Variants in GALNT2 observed in about 807,000 individuals in gnomAD.
GALNT2 encodes the protein polypeptide N-acetylgalactosaminyltransferase 2.
In GALNT2, 31 loss-of-function variants were observed where a neutral mutation model predicts 81.4. The observed-to-expected ratio is 0.38, with a 90% CI of 0.29 to 0.51. The LOEUF is 0.51. Among genes scored for constraint, GALNT2 ranks in the 20% least tolerant of loss-of-function variants. GALNT2 has a pLI of 0.87. For synonymous variants in GALNT2, 303 were observed against 287.4 expected (o/e 1.05, Z -0.55); for missense variants, 629 against 765.7 (o/e 0.82, Z 2.11).
intron 1 of GALNT2, among the ~76,000 whole-genome samples, chr1:230,172,096 G>A (rs187309089): frequency 5.3e-5 from 8 of 152,276 alleles, no homozygotes; most frequent in East Asian, 3.9e-4. Flanking sequence ...CCGATTTCAC[G>A]TGAGCTGGAC....
intron 14 of GALNT2, among the ~76,000 whole-genome samples, chr1:230,273,496 G>A (rs919805787): frequency 1.3e-5 from 2 of 152,240 alleles, no homozygotes; most frequent in African/African-American, 2.4e-5. Flanking sequence ...ATTAAGGGGT[G>A]TTCATCCCTT....
chr1:230,101,422 T>A (rs1447557076), intron 1 of GALNT2, among the ~76,000 whole-genome samples: 2 of 152,248 alleles, frequency 1.3e-5, no homozygotes, highest in East Asian at 1.9e-4. Flanking sequence ...TGGTCACTCG[T>A]GTGCCCGTCT....
chr1:230,177,511 C>T (rs1663020387), intron 1 of GALNT2, among the ~76,000 whole-genome samples: 1 of 152,176 alleles, frequency 6.6e-6, no homozygotes, highest in African/African-American at 2.4e-5. Flanking sequence ...ATATATTTAG[C>T]TCTGTGGTCG....
rs1663223886 is a variant in GALNT2, at chr1:230,183,480, A to C, written c.220+5169A>C. 2.0e-5 allele frequency among the ~76,000 whole-genome samples: 3 copies of C among 152,206 alleles called. No homozygotes were observed. The South Asian group carries it at 6.2e-4, about 32-fold the overall frequency. Reference sequence around the variant, plus strand: ...AAAATTAGTTGGTCTTCTTTCAGATAACACTATACTTTTTCACAGGTAGTG... The same window carrying C: ...AAAATTAGTTGGTCTTCTTTCAGATCACACTATACTTTTTCACAGGTAGTG... On this transcript the variant is annotated intron_variant, in intron 2 of 15. Transcript: ENST00000366672.
At position 230,281,923 on chromosome 1, in the gene GALNT2, C is replaced by G. The variant is rs1666458808; in HGVS notation, c.*2465C>G. On this transcript the variant is annotated 3_prime_UTR_variant, in exon 16 of 16. Coordinates refer to ENST00000366672, the MANE Select transcript of GALNT2 (RefSeq NM_004481.5). ...AGTTAGTTGTCTTCTCTGTGCTGGT[C>G]CTTTCTTATGTCCTCATAAAAGCTC... 6.6e-6 allele frequency: 1 copy of G among 152,372 alleles called. No individual in the cohort carries two copies. The highest frequency in any genetic ancestry group is 2.1e-4 in the South Asian group (1 of 4,816). 9.4% of individuals were successfully genotyped at this position (152,372 alleles called of 1,614,324 possible).
rs982276918 is a variant in GALNT2, at chr1:230,203,361, G to A, written c.374+71G>A. ...ACAAACCAGTACGTCGCTTTCACCT[G>A]TGACACTAGAACTTCTCCATTACTC... On this transcript the variant is annotated intron_variant, in intron 3 of 15. Transcript: ENST00000366672. 4 of 1,526,386 alleles carry A rather than the reference G, an allele frequency of 2.6e-6. No individual in the cohort carries two copies. In the African/African-American group the frequency reaches 5.5e-5, roughly 21 times the overall value. 94.6% of individuals were successfully genotyped at this position (1,526,386 alleles called of 1,614,324 possible).
intron 1 of GALNT2, among the ~76,000 whole-genome samples, chr1:230,146,933 G>C (rs960973991): frequency 1.3e-5 from 2 of 152,280 alleles, no homozygotes; most frequent in East Asian, 3.9e-4. Flanking sequence ...GTCAGATCTC[G>C]GTGTCTGTCC....
Position 230,236,063 on chromosome 1 carries a change from A to G in GALNT2, c.424A>G (p.Ile142Val). The part of the protein sequence containing the change: ...RVDLPATSVV[I>V]TFHNEARSAL... ...GGATCTGCCGGCCACCAGCGTGGTG[A>G]TCACGTTTCACAATGAAGCCAGGTC... is the stretch of plus-strand genomic sequence containing the variant. The change falls in exon 4 of 16, where the codon ATC becomes GTC. Residue 142 changes from isoleucine to valine, a missense_variant. Transcript: ENST00000366672. 2 of 1,614,002 alleles carry G rather than the reference A, an allele frequency of 1.2e-6. 1 individual carries two copies. Among genetic ancestry groups the G allele is most frequent in the South Asian group, 2.2e-5 (2 of 91,066 alleles).
chr1:230,223,080 C>T (rs1401061233), intron 3 of GALNT2, among the ~76,000 whole-genome samples: 1 of 152,124 alleles, frequency 6.6e-6, no homozygotes, highest in Non-Finnish European at 1.5e-5. Context: ...CTCAACATTA[C>T]AGTGCTAGGA....
At chr1:230,265,848 A>T (rs898136401) in intron 14 of GALNT2, among the ~76,000 whole-genome samples, 1 of 152,244 alleles carries the variant, frequency 6.6e-6, no homozygotes, top group Non-Finnish European at 1.5e-5. Context: ...GAAGATACTC[A>T]GTATTAATTG....
chr1:230,199,281 G>C (rs148674863), intron 2 of GALNT2, among the ~76,000 whole-genome samples: 4 of 152,114 alleles, frequency 2.6e-5, no homozygotes, highest in Non-Finnish European at 5.9e-5. Flanking sequence ...CCCTGTTTGC[G>C]TGGGGTTGGG....
chr1:230,249,402 C>G lies in GALNT2; in HGVS notation c.905+131C>G, dbSNP rs3748009. ...TCTGCCCTCCGGTTTCCCCTCGTCT[C>G]AGCTCAAAGATGAGCACCTTCCACC... On this transcript the variant is annotated intron_variant, in intron 9 of 15. Transcript: ENST00000366672. 4.4e-6 allele frequency: 3 copies of G among 680,252 alleles called. No homozygotes were observed. The East Asian group carries it at 8.1e-5, about 18-fold the overall frequency. 42.1% of individuals were successfully genotyped at this position (680,252 alleles called of 1,614,324 possible).
chr1:230,061,835 A>G (rs1659056349), intron 1 of GALNT2, among the ~76,000 whole-genome samples: 1 of 152,118 alleles, frequency 6.6e-6, no homozygotes, highest in African/African-American at 2.4e-5. Context: ...TCTTTTCTGC[A>G]TGGAGTGCTT....
At chr1:230,185,990 G>A (rs1663323929) in intron 2 of GALNT2, among the ~76,000 whole-genome samples, 2 of 152,188 alleles carry the variant, frequency 1.3e-5, no homozygotes, top group Non-Finnish European at 2.9e-5. Context: ...CCAATTTGGG[G>A]GGCTGTGGCT....
chr1:230,162,568 C>G (rs944001829), intron 1 of GALNT2, among the ~76,000 whole-genome samples: 1 of 152,192 alleles, frequency 6.6e-6, no homozygotes, highest in Non-Finnish European at 1.5e-5. Context: ...AATCCCTCTT[C>G]CCTAAAACAG....
At chr1:230,112,581 A>G (rs1660735384) in intron 1 of GALNT2, among the ~76,000 whole-genome samples, 1 of 152,278 alleles carries the variant, frequency 6.6e-6, no homozygotes, top group East Asian at 1.9e-4. Context: ...GGCCACTTCA[A>G]GCCACTCTTC....
intron 2 of GALNT2, among the ~76,000 whole-genome samples, chr1:230,184,115 C>T (rs1663244173): frequency 2.0e-5 from 3 of 151,814 alleles, no homozygotes; most frequent in African/African-American, 7.3e-5. Context: ...TTTTGCAAGG[C>T]AGGTCTACTG....
At chr1:230,248,333 A>G (rs1665438500) in intron 8 of GALNT2, among the ~76,000 whole-genome samples, 1 of 152,226 alleles carries the variant, frequency 6.6e-6, no homozygotes, top group East Asian at 1.9e-4. Flanking sequence ...CCCTAGAGTC[A>G]TTAGGTTTTG....
chr1:230,192,773 A>G (rs942878975), intron 2 of GALNT2, among the ~76,000 whole-genome samples: 7 of 152,214 alleles, frequency 4.6e-5, no homozygotes, highest in Admixed American at 4.6e-4. Flanking sequence ...ATAGCTTTTT[A>G]TCACTTCTTT....
Sources: gnomAD v4.1 joint callset for allele counts (sites outside exome capture counted in the v4.1 genomes callset) on GRCh38, gnomAD v4.1.1 for gene constraint, MANE v1.5 for transcripts, NCBI Gene and HGNC (gene_info 2026-07-23, HGNC 2026-07-21) for gene names.